FANCD2: variants seen among roughly 807,000 people sequenced by gnomAD.
FANCD2 encodes the protein FA complementation group D2.
FANCD2 carries 131 observed loss-of-function variants against 192.3 expected under a neutral mutation model. That is an observed-to-expected ratio of 0.68 (90% CI 0.59 to 0.79). The LOEUF (loss-of-function observed/expected upper bound fraction) is 0.79. Ranked by LOEUF, FANCD2 falls within the 30% of genes least tolerant of loss-of-function variation. The probability of loss-of-function intolerance (pLI) is 0.00; values close to 1 mark genes in which losing one functional copy is unlikely to be tolerated. For synonymous variants in FANCD2, 524 were observed against 612.5 expected (o/e 0.86, Z 2.13); for missense variants, 1,508 against 1,701.6 (o/e 0.89, Z 2.00).
intron 32 of FANCD2, among the ~76,000 whole-genome samples, chr3:10,083,182 G>A (rs942589912): frequency 6.6e-6 from 1 of 151,490 alleles, no homozygotes; most frequent in African/African-American, 2.4e-5. Context: ...AGCCAAGATT[G>A]CAACACTGCA....
intron 2 of FANCD2, among the ~76,000 whole-genome samples, chr3:10,030,793 G>A (rs803334): frequency 3.9e-4 from 59 of 152,176 alleles, no homozygotes; most frequent in Non-Finnish European, 7.1e-4. Flanking sequence ...TCAGCTACTC[G>A]GGAGGCTGAG....
chr3:10,078,545 G>A lies in FANCD2; in HGVS notation c.2976+348G>A, dbSNP rs575163149. ...AATTTTTTGTATTTTTTGTAGAGAC[G>A]GGGTTTCACCGTGTTAGCCAGGATG... On this transcript the variant is annotated intron_variant, in intron 30 of 43. Transcript: ENST00000675286. 1.8e-3 allele frequency among the ~76,000 whole-genome samples: 266 copies of A among 151,934 alleles called. 2 individuals are homozygous for A. Among genetic ancestry groups the A allele is most frequent in the Non-Finnish European group, 1.5e-3 (100 of 67,928 alleles).
rs905777120 is a variant in FANCD2, at chr3:10,033,366, A to G, written c.205+394A>G. On this transcript the variant is annotated intron_variant, in intron 3 of 43. Coordinates refer to ENST00000675286, the MANE Select transcript of FANCD2 (RefSeq NM_001018115.3). Reference sequence around the variant, plus strand: ...CAGTGAGTCAAGATCGCACCACTGCACTCCAGCCTGGGCGACAAGAGTGAG... The same window carrying G: ...CAGTGAGTCAAGATCGCACCACTGCGCTCCAGCCTGGGCGACAAGAGTGAG... Among the ~76,000 whole-genome samples, 3 of 152,202 alleles carry G rather than the reference A, an allele frequency of 2.0e-5. No homozygotes were observed. The South Asian group carries it at 6.2e-4, about 32-fold the overall frequency.
Position 10,028,690 on chromosome 3 carries a change from G to A in FANCD2, c.33G>A (p.Glu11=), listed in dbSNP as rs147426418. 4.2e-4 allele frequency: 682 copies of A among 1,614,034 alleles called. No individual in the cohort carries two copies. The highest frequency in any genetic ancestry group is 5.5e-4 in the Non-Finnish European group (644 of 1,180,002). ...CCAAAAGAAGACTGTCAAAATCTGA[G>A]GATAAAGAGAGCCTGACAGAAGATG... The part of the protein sequence containing the change: MVSKRRLSKS[E]DKESLTEDAS... The change falls in exon 2 of 44, where the codon GAG becomes GAA. Residue 11 remains glutamate (E), a synonymous_variant. Coordinates refer to ENST00000675286, the MANE Select transcript of FANCD2 (RefSeq NM_001018115.3).
chr3:10,074,486 T>C (rs1693424769), intron 28 of FANCD2, 44 bp from the exon 29 acceptor site: 4 of 1,557,440 alleles, frequency 2.6e-6, no homozygotes, highest in Non-Finnish European at 3.5e-6. Context: ...TCGATTAATA[T>C]AGAAGATTTA....
chr3:10,101,122 C>A, intron 43 of FANCD2, 66 bp from the exon 44 acceptor site: 2 of 1,181,402 alleles, frequency 1.7e-6, no homozygotes, highest in Non-Finnish European at 2.5e-6. Context: ...CCTCTAGGAG[C>A]TGTATTCCAG....
chr3:10,087,346 A>C, intron 34 of FANCD2, 82 bp downstream of exon 34: 1 of 1,374,976 alleles, frequency 7.3e-7, no homozygotes, highest in Non-Finnish European at 9.9e-7. Flanking sequence ...TGGGCTTCCC[A>C]GGACATTTTT....
intron 2 of FANCD2, 103 bp downstream of exon 2, chr3:10,028,824 T>C (rs1173792964): frequency 9.9e-7 from 1 of 1,007,322 alleles, no homozygotes; most frequent in African/African-American, 1.6e-5. Flanking sequence ...CTTCAAAGTG[T>C]AATGAATGGA....
At chr3:10,097,376 G>A (rs753209499) in intron 42 of FANCD2, among the ~76,000 whole-genome samples, 1 of 152,086 alleles carries the variant, frequency 6.6e-6, no homozygotes, top group Non-Finnish European at 1.5e-5. Context: ...CTGCAGTCTC[G>A]ACCATAAGAG....
In FANCD2 at chr3:10,039,296, T is replaced by G. The variant is rs1575741829; in HGVS notation, c.509T>G (p.Ile170Ser). 6.2e-7 allele frequency: 1 copy of G among 1,613,784 alleles called. No individual in the cohort carries two copies. The highest frequency in any genetic ancestry group is 2.2e-5 in the East Asian group (1 of 44,862). Residue 170 changes from isoleucine (I) to serine (S), a missense_variant, in exon 8 of 44, where the codon ATC becomes AGC. Transcript: ENST00000675286. ...CATTTTAGCAAGAACAGTGATGAAA[T>G]CAACATACCTCGACTCATTGTCAGT... ...YFFENKNSDE[I>S]NIPRLIVSQL...
intron 16 of FANCD2, among the ~76,000 whole-genome samples, chr3:10,048,494 A>G (rs1400950074): frequency 6.6e-6 from 1 of 152,128 alleles, no homozygotes; most frequent in East Asian, 1.9e-4. Context: ...TAGTAGACAC[A>G]GCGTTTCACC....
At chr3:10,033,114 A>T (rs2086643072) in intron 3 of FANCD2, 142 bp downstream of exon 3, 1 of 795,744 alleles carries the variant, frequency 1.3e-6, no homozygotes, top group Non-Finnish European at 2.1e-6. Flanking sequence ...TGCTTTTTAG[A>T]AAATGGTACA....
At chr3:10,035,318 G>A in intron 6 of FANCD2, 85 bp downstream of exon 6, 1 of 1,203,082 alleles carries the variant, frequency 8.3e-7, no homozygotes, top group Non-Finnish European at 1.2e-6. Flanking sequence ...ACACAGGATA[G>A]AGTAGGGTTA....
intron 20 of FANCD2, among the ~76,000 whole-genome samples, chr3:10,062,508 C>T (rs1238531624): frequency 6.6e-6 from 1 of 152,100 alleles, no homozygotes; most frequent in Non-Finnish European, 1.5e-5. Context: ...TCCCAAAGTG[C>T]TGGGAGTACA....
rs200473919 is a variant in FANCD2 at position 10,052,511 on chromosome 3, T to A, written c.1656+14T>A. ...AGCCACATCCAGGTAAGAGGCAATA[T>A]GTTGGGAAAGATTTTTTTTTTTTTG... On this transcript the variant is annotated intron_variant, in intron 18 of 43. Coordinates refer to ENST00000675286, the MANE Select transcript of FANCD2 (RefSeq NM_001018115.3). 1,626 of 1,578,806 alleles carry A rather than the reference T, an allele frequency of 1.0e-3. 6 individuals are homozygous for A. The highest frequency in any genetic ancestry group is 0.01 in the Middle Eastern group (45 of 4,424).
At chr3:10,070,118 C>T (rs1364518222) in intron 26 of FANCD2, among the ~76,000 whole-genome samples, 2 of 151,128 alleles carry the variant, frequency 1.3e-5, no homozygotes, top group Non-Finnish European at 3.0e-5. Context: ...GCCGCGACCC[C>T]GTCTGGGAGG....
rs1380295175 is a variant in FANCD2 at position 10,060,487 on chromosome 3, G to T, written c.1766+84G>T. The T allele has an allele frequency of 3.4e-5, 35 of 1,034,852 alleles. 1 individual carries two copies. In the East Asian group the frequency reaches 3.9e-4, roughly 12 times the overall value. 64.1% of individuals were successfully genotyped at this position (1,034,852 alleles called of 1,614,324 possible). A position where few individuals can be genotyped will look rare whatever the true frequency, so the allele number is the denominator to read the frequency against. On this transcript the variant is annotated intron_variant, in intron 19 of 43. Coordinates refer to ENST00000675286, the MANE Select transcript of FANCD2 (RefSeq NM_001018115.3). The stretch of plus-strand genomic sequence containing the variant: ...GTTACATCTCATAGACATCATTTTA[G>T]CAGTAGAAGTTACAACTATAAATGA...
In FANCD2 at chr3:10,041,861, C is replaced by CG. The variant is rs111431131; in HGVS notation, c.783+151_783+152insG. ...ATCTCTCTTTTTTTTTTTTTTTCCC[C>CG]TCAATGAGTTTCAGATGCTATTCTA... On this transcript the variant is annotated intron_variant, in intron 10 of 43. Coordinates refer to ENST00000675286, the MANE Select transcript of FANCD2 (RefSeq NM_001018115.3). The CG allele has an allele frequency of 8.6e-3, 5,678 of 662,508 alleles. 266 individuals are homozygous for CG. In the African/African-American group the frequency reaches 0.094, roughly 11 times the overall value. The allele number at this position is 662,508 out of a possible 1,614,324, so 41.0% of individuals were successfully genotyped here.
intron 18 of FANCD2, among the ~76,000 whole-genome samples, chr3:10,054,773 G>A (rs1414776309): frequency 2.7e-5 from 4 of 150,710 alleles, no homozygotes; most frequent in Admixed American, 6.6e-5. Context: ...CTGAGCCACC[G>A]CACCCGGCCA....
Sources: gnomAD v4.1 joint callset for allele counts (sites outside exome capture counted in the v4.1 genomes callset) on GRCh38, gnomAD v4.1.1 for gene constraint, MANE v1.5 for transcripts, NCBI Gene and HGNC (gene_info 2026-07-23, HGNC 2026-07-21) for gene names.